PDE4D: variants seen among roughly 807,000 people sequenced by gnomAD.
The protein encoded by PDE4D is phosphodiesterase 4D.
In PDE4D, 24 loss-of-function variants were observed where a neutral mutation model predicts 87.4. The ratio of observed to expected loss-of-function variants is 0.27; its 90% CI spans 0.20 to 0.39. The LOEUF is 0.39. PDE4D is among the 10% of genes least tolerant of loss of function. The pLI is 1.00. For synonymous variants in PDE4D, 384 were observed against 383.2 expected (o/e 1.00, Z -0.02); for missense variants, 714 against 1,041.0 (o/e 0.69, Z 4.32).
chr5:59,016,351 GT>G (rs11413820), intron 6 of PDE4D, among the ~76,000 whole-genome samples: 20,900 of 105,364 alleles, frequency 0.2, 1,949 homozygotes, highest in South Asian at 0.27. Context: ...TCATATCACA[GT>G]TTTTTTTTTT....
At chr5:60,452,898 T>C (rs1475116722) in intron 1 of PDE4D, among the ~76,000 whole-genome samples, 1 of 152,132 alleles carries the variant, frequency 6.6e-6, no homozygotes, top group Non-Finnish European at 1.5e-5. Context: ...ATTTCTCCAG[T>C]CAAACTTCTT....
chr5:59,277,983 C>T (rs924505596), intron 1 of PDE4D, among the ~76,000 whole-genome samples: 4 of 152,080 alleles, frequency 2.6e-5, no homozygotes, highest in African/African-American at 9.7e-5. Context: ...GGGAATCTGA[C>T]AATGTATGGA....
Position 58,977,212 on chromosome 5 carries a change from T to TAAAG in PDE4D, c.1682_1685dup (p.Leu562PhefsTer8). Reference sequence around the variant, plus strand: ...TTACGATGTCAATGACCATTTTCCTTAAAGATTGTCTTTGTTTTTTGGTCA... The same window carrying TAAAG: ...TTACGATGTCAATGACCATTTTCCTTAAAGAAAGATTGTCTTTGTTTTTTGGTCA... On this transcript the variant is annotated frameshift_variant, in exon 12 of 15. Coordinates refer to ENST00000340635, the MANE Select transcript of PDE4D (RefSeq NM_001104631.2). LOFTEE classifies it high-confidence loss of function. 2 of 1,611,314 alleles carry TAAAG rather than the reference T, an allele frequency of 1.2e-6. No individual in the cohort carries two copies. Among genetic ancestry groups the TAAAG allele is most frequent in the African/African-American group, 1.3e-5 (1 of 74,736 alleles).
intron 1 of PDE4D, among the ~76,000 whole-genome samples, chr5:60,230,526 C>T (rs1182665791): frequency 6.6e-6 from 1 of 152,094 alleles, no homozygotes; most frequent in Non-Finnish European, 1.5e-5. Flanking sequence ...ACTTTCACCA[C>T]CAATGTAATT....
At chr5:59,495,018 T>A (rs181200038) in intron 1 of PDE4D, among the ~76,000 whole-genome samples, 19 of 152,228 alleles carry the variant, frequency 1.2e-4, no homozygotes, top group African/African-American at 4.6e-4. Context: ...TTCATCAATA[T>A]GCTCTTTCTA....
intron 1 of PDE4D, among the ~76,000 whole-genome samples, chr5:60,209,572 G>A (rs914214264): frequency 2.0e-5 from 3 of 152,074 alleles, no homozygotes; most frequent in Admixed American, 6.5e-5. Flanking sequence ...TTATCTTATG[G>A]CAATTTTTGC....
chr5:59,773,571 T>G lies in PDE4D; in HGVS notation c.455+119597A>C, dbSNP rs549945898. Among the ~76,000 whole-genome samples the G allele has an allele frequency of 2.6e-5, 4 of 152,284 alleles. No individual in the cohort carries two copies. In the East Asian group the frequency reaches 7.7e-4, roughly 29 times the overall value. On this transcript the variant is annotated intron_variant, in intron 1 of 14. Transcript: ENST00000340635. ...GCAGCTGAAGGTGGAATTCCTGAGA[T>G]GTTTTTTGTTTTTATGTTTTTTTCT...
intron 1 of PDE4D, among the ~76,000 whole-genome samples, chr5:60,471,307 A>G (rs1162906080): frequency 1.3e-5 from 2 of 152,184 alleles, no homozygotes; most frequent in Non-Finnish European, 2.9e-5. Flanking sequence ...CTTCTTACAC[A>G]TAAGCCAAGA....
chr5:59,442,436 T>G (rs886127592), intron 1 of PDE4D, among the ~76,000 whole-genome samples: 2 of 152,178 alleles, frequency 1.3e-5, no homozygotes, highest in Non-Finnish European at 2.9e-5. Context: ...TCAGGGTCTT[T>G]GAGCTCATTT....
At chr5:59,991,977 C>T (rs1427227385) in intron 2 of PDE4D, among the ~76,000 whole-genome samples, 3 of 152,132 alleles carry the variant, frequency 2.0e-5, no homozygotes, top group Non-Finnish European at 2.9e-5. Context: ...ACCCACCCTC[C>T]ATGTGGGTAG....
intron 1 of PDE4D, among the ~76,000 whole-genome samples, chr5:59,792,003 C>A (rs1308995415): frequency 6.6e-6 from 1 of 152,182 alleles, no homozygotes; most frequent in Non-Finnish European, 1.5e-5. Context: ...GTATAGGATA[C>A]AATGTGTGGC....
At chr5:59,223,687 A>C (rs1753058335) in intron 1 of PDE4D, among the ~76,000 whole-genome samples, 2 of 152,260 alleles carry the variant, frequency 1.3e-5, no homozygotes, top group Admixed American at 1.3e-4. Flanking sequence ...GAAGTAAACA[A>C]AATAATGATT....
upstream of PDE4D, among the ~76,000 whole-genome samples, chr5:59,894,835 A>G (rs1049826653): frequency 6.6e-6 from 1 of 152,236 alleles, no homozygotes; most frequent in Non-Finnish European, 1.5e-5. Flanking sequence ...ATTTTCCTGC[A>G]GTGTCAAATG....
chr5:60,222,281 T>C (rs1341479947), intron 1 of PDE4D, among the ~76,000 whole-genome samples: 1 of 152,060 alleles, frequency 6.6e-6, no homozygotes, highest in Admixed American at 6.6e-5. Flanking sequence ...TTGTTAGTCA[T>C]ATGAGTAACC....
intron 1 of PDE4D, among the ~76,000 whole-genome samples, chr5:60,316,801 C>T (rs927287215): frequency 1.4e-4 from 22 of 152,230 alleles, no homozygotes; most frequent in Admixed American, 3.9e-4. Context: ...TACTGATTTG[C>T]GTCTGTTGAA....
chr5:60,500,803 T>C (rs1444144002), intron 1 of PDE4D, among the ~76,000 whole-genome samples: 1 of 152,118 alleles, frequency 6.6e-6, no homozygotes, highest in East Asian at 1.9e-4. Flanking sequence ...AGATAATATG[T>C]GCCAAAGACA....
At chr5:60,227,491 T>C (rs1745253044) in intron 1 of PDE4D, among the ~76,000 whole-genome samples, 1 of 150,362 alleles carries the variant, frequency 6.7e-6, no homozygotes, top group Non-Finnish European at 1.5e-5. Flanking sequence ...GAACAAATGA[T>C]TGTGTGATAG....
intron 1 of PDE4D, among the ~76,000 whole-genome samples, chr5:59,334,445 A>G (rs1410837616): frequency 1.3e-5 from 2 of 151,510 alleles, no homozygotes; most frequent in Non-Finnish European, 2.9e-5. Context: ...TTTTATAGAG[A>G]TGGGGTTTCA....
intron 1 of PDE4D, among the ~76,000 whole-genome samples, chr5:59,685,018 G>A (rs1458842889): frequency 1.3e-5 from 2 of 152,020 alleles, no homozygotes; most frequent in Non-Finnish European, 2.9e-5. Context: ...TCCCATTTTG[G>A]CATGGGCTTC....
Sources: gnomAD v4.1 joint callset for allele counts (sites outside exome capture counted in the v4.1 genomes callset) on GRCh38, gnomAD v4.1.1 for gene constraint, MANE v1.5 for transcripts, NCBI Gene and HGNC (gene_info 2026-07-23, HGNC 2026-07-21) for gene names.